Variants in KPNA6 observed in about 807,000 individuals in gnomAD.
The protein encoded by KPNA6 is importin subunit alpha-7.
KPNA6 carries 9 observed loss-of-function variants against 72.0 expected under a neutral mutation model. The ratio of observed to expected loss-of-function variants is 0.13; its 90% CI spans 0.08 to 0.22. The LOEUF (loss-of-function observed/expected upper bound fraction) is 0.22. Ranked by LOEUF, KPNA6 falls within the 10% of genes least tolerant of loss-of-function variation. The pLI is 1.00. For missense variants in KPNA6, 374 were observed against 655.7 expected (o/e 0.57, Z 4.69); for synonymous variants, 219 against 242.1 (o/e 0.90, Z 0.89).
rs1433397742 is a variant in KPNA6 at position 32,173,634 on chromosome 1, T to G, written c.*2740T>G. ...TAGTAATATCATCTTTTCTATCTCC[T>G]CCTCTCCTTTGGCCATGTAATGAAG... On this transcript the variant is annotated 3_prime_UTR_variant, in exon 14 of 14. Coordinates refer to ENST00000373625, the MANE Select transcript of KPNA6 (RefSeq NM_012316.5). 5 of 152,298 alleles carry G rather than the reference T, an allele frequency of 3.3e-5. No individual in the cohort carries two copies. Among genetic ancestry groups the G allele is most frequent in the Admixed American group, 2.0e-4 (3 of 15,284 alleles). 9.4% of individuals were successfully genotyped at this position (152,298 alleles called of 1,614,324 possible).
intron 12 of KPNA6, 54 bp from the exon 13 acceptor site, chr1:32,169,828 A>G (rs1316285040): frequency 2.0e-6 from 3 of 1,512,278 alleles, no homozygotes; most frequent in African/African-American, 1.4e-5. Flanking sequence ...GCACCTGCCC[A>G]GCACTTCATG....
chr1:32,158,145 G>A, intron 4 of KPNA6, 122 bp from the exon 5 acceptor site: 1 of 646,212 alleles, frequency 1.5e-6, no homozygotes, highest in Non-Finnish European at 2.8e-6. Flanking sequence ...CTTACCAGAA[G>A]GGAGTTTGGG....
intron 1 of KPNA6, chr1:32,143,000 T>G (rs2124020190): frequency 1.6e-6 from 2 of 1,289,732 alleles, no homozygotes; most frequent in African/African-American, 3.0e-5. Context: ...CAGCCCAGGC[T>G]CAGTCATGAA....
At chr1:32,148,635 GC>G (rs2124040400) in intron 1 of KPNA6, among the ~76,000 whole-genome samples, 1 of 144,364 alleles carries the variant, frequency 6.9e-6, no homozygotes, top group East Asian at 2.0e-4. Context: ...TCGGCTCACT[GC>G]AACCTCCACC....
At chr1:32,165,101 T>A (rs1283755962) in intron 10 of KPNA6, among the ~76,000 whole-genome samples, 1 of 151,998 alleles carries the variant, frequency 6.6e-6, no homozygotes, top group Non-Finnish European at 1.5e-5. Flanking sequence ...GAGACAGGGT[T>A]TTACCATGTT....
intron 13 of KPNA6, among the ~76,000 whole-genome samples, chr1:32,170,466 C>T: frequency 6.6e-6 from 1 of 152,164 alleles, no homozygotes; most frequent in Non-Finnish European, 1.5e-5. Flanking sequence ...GGTCATGCTT[C>T]TAGTTTAAAG....
intron 1 of KPNA6, among the ~76,000 whole-genome samples, chr1:32,153,342 G>A (rs531976992): frequency 6.6e-6 from 1 of 152,150 alleles, no homozygotes; most frequent in East Asian, 1.9e-4. Flanking sequence ...GAGGCAGGCA[G>A]TTCACCTGAG....
At chr1:32,121,113 G>A (rs1641425957) in intron 1 of KPNA6, among the ~76,000 whole-genome samples, 1 of 152,168 alleles carries the variant, frequency 6.6e-6, no homozygotes, top group Non-Finnish European at 1.5e-5. Flanking sequence ...CTGACCTCAA[G>A]TGATCTGCCT....
intron 1 of KPNA6, among the ~76,000 whole-genome samples, chr1:32,119,011 TATATATATATATA>T (rs1303766083): frequency 9.6e-4 from 65 of 67,634 alleles, no homozygotes; most frequent in African/African-American, 5.0e-3. Flanking sequence ...TATATATATA[TATATATATATATA>T]TATATATATT....
chr1:32,173,173 TAA>T lies in KPNA6; in HGVS notation c.*2299_*2300del, dbSNP rs60616241. ...ATTAAAAAACCATTCTCTTACAGTT[TAA>T]AAAAAAAAAAAAAAAAAAAGCCTTC... On this transcript the variant is annotated 3_prime_UTR_variant, in exon 14 of 14. Coordinates refer to ENST00000373625, the MANE Select transcript of KPNA6 (RefSeq NM_012316.5). 31,007 of 305,946 alleles carry T rather than the reference TAA, an allele frequency of 0.1. No homozygotes were observed. Among genetic ancestry groups the T allele is most frequent in the Middle Eastern group, 0.14 (178 of 1,232 alleles). 19.0% of individuals were successfully genotyped at this position (305,946 alleles called of 1,614,324 possible). A position where few individuals can be genotyped will look rare whatever the true frequency, so the allele number is the denominator to read the frequency against.
chr1:32,114,951 G>A lies in KPNA6; in HGVS notation c.4+6817G>A, dbSNP rs1344303907. ...TGTCTCCCGGGTTCAAGTAATTATG[G>A]TGCCTCAGTCTCCTAAGTAGCTGGG... On this transcript the variant is annotated intron_variant, in intron 1 of 13. Transcript: ENST00000373625. Among the ~76,000 whole-genome samples, 3 of 152,072 alleles carry A rather than the reference G, an allele frequency of 2.0e-5. No individual in the cohort carries two copies. The East Asian group carries it at 5.8e-4, about 29-fold the overall frequency.
intron 1 of KPNA6, among the ~76,000 whole-genome samples, chr1:32,150,793 AT>A (rs750063230): frequency 9.2e-5 from 14 of 151,922 alleles, no homozygotes; most frequent in Non-Finnish European, 1.6e-4. Flanking sequence ...AGCTCAGCTA[AT>A]TTTTGTATTT....
intron 1 of KPNA6, among the ~76,000 whole-genome samples, chr1:32,153,275 A>AC (rs141475554): frequency 0.021 from 3,124 of 152,102 alleles, 106 homozygotes; most frequent in African/African-American, 0.07. Context: ...ATTTAAAAGA[A>AC]CGTGAACAGG....
intron 1 of KPNA6, among the ~76,000 whole-genome samples, chr1:32,125,999 AAAC>A (rs1289099098): frequency 1.3e-5 from 2 of 151,028 alleles, no homozygotes; most frequent in African/African-American, 4.9e-5. Context: ...AAAAAAAAAA[AAAC>A]CTGTCCTATT....
At chr1:32,117,683 G>T (rs1203446253) in intron 1 of KPNA6, among the ~76,000 whole-genome samples, 1 of 152,042 alleles carries the variant, frequency 6.6e-6, no homozygotes, top group Non-Finnish European at 1.5e-5. Context: ...ACAGTAAAAT[G>T]AGATATGCCT....
chr1:32,165,127 G>A (rs1642309538), intron 10 of KPNA6, among the ~76,000 whole-genome samples: 1 of 151,974 alleles, frequency 6.6e-6, no homozygotes, highest in African/African-American at 2.4e-5. Flanking sequence ...GGCTACTCTT[G>A]AACTACTGGG....
intron 5 of KPNA6, among the ~76,000 whole-genome samples, chr1:32,158,685 C>G (rs1302474899): frequency 6.6e-6 from 1 of 152,112 alleles, no homozygotes; most frequent in African/African-American, 2.4e-5. Flanking sequence ...CCCAGTCCCC[C>G]ACTACTGGGA....
At chr1:32,110,865 C>T (rs1641233848) in intron 1 of KPNA6, among the ~76,000 whole-genome samples, 1 of 152,162 alleles carries the variant, frequency 6.6e-6, no homozygotes, top group Admixed American at 6.6e-5. Flanking sequence ...CCAGCCTGGG[C>T]AACAAGCTAG....
chr1:32,122,681 T>C (rs1641454891), intron 1 of KPNA6, among the ~76,000 whole-genome samples: 2 of 151,914 alleles, frequency 1.3e-5, no homozygotes, highest in South Asian at 4.2e-4. Context: ...GTGGGCCGGG[T>C]GCAGTGGCTC....
Sources: gnomAD v4.1 joint callset for allele counts (sites outside exome capture counted in the v4.1 genomes callset) on GRCh38, gnomAD v4.1.1 for gene constraint, MANE v1.5 for transcripts, NCBI Gene and HGNC (gene_info 2026-07-23, HGNC 2026-07-21) for gene names.